TAFA5: variants seen among roughly 807,000 people sequenced by gnomAD.
TAFA5 encodes chemokine-like protein TAFA-5.
TAFA5 carries 6 observed loss-of-function variants against 15.3 expected under a neutral mutation model. The ratio of observed to expected loss-of-function variants is 0.39; its 90% CI spans 0.21 to 0.77. TAFA5 has a LOEUF of 0.77. Among genes scored for constraint, TAFA5 ranks in the 30% least tolerant of loss-of-function variants. TAFA5 has a pLI of 0.41. For synonymous variants in TAFA5, 103 were observed against 80.7 expected, an observed-to-expected ratio of 1.28 and a Z score of -1.48; for missense variants, 161 against 193.1, an observed-to-expected ratio of 0.83 and a Z score of 0.98.
rs916620263 is a variant in TAFA5, at chr22:48,560,357, A to C, written c.112+70653A>C. Among the ~76,000 whole-genome samples the C allele has an allele frequency of 6.6e-6, 1 of 152,044 alleles. No homozygotes were observed. The highest frequency in any genetic ancestry group is 1.5e-5 in the Non-Finnish European group (1 of 68,000). The stretch of plus-strand genomic sequence containing the variant: ...TTCATATGGCCCCAGCAGGCCCCCC[A>C]GCATTTCCATTCTCGGCCTCCAATC... On this transcript the variant is annotated intron_variant, in intron 1 of 3. Transcript: ENST00000402357. The surrounding 1 kb of genome is among the most constrained non-coding windows in gnomAD (Gnocchi z 4.2).
At chr22:48,595,817 C>T (rs1424401435) in intron 1 of TAFA5, among the ~76,000 whole-genome samples, 1 of 152,270 alleles carries the variant, frequency 6.6e-6, no homozygotes, top group African/African-American at 2.4e-5. Flanking sequence ...AGCTGAGTTA[C>T]AAGCTGCATA....
intron 2 of TAFA5, among the ~76,000 whole-genome samples, chr22:48,650,395 AAAC>A (rs1447477801): frequency 6.6e-6 from 1 of 152,180 alleles, no homozygotes; most frequent in African/African-American, 2.4e-5. Flanking sequence ...AGTCAACTCA[AAAC>A]ACCCAATACA....
intron 1 of TAFA5, among the ~76,000 whole-genome samples, chr22:48,555,883 G>T (rs1923020476): frequency 6.6e-6 from 1 of 152,192 alleles, no homozygotes; most frequent in Admixed American, 6.5e-5. Context: ...ACCTGGGAGG[G>T]GCTGGGCCTG....
At chr22:48,745,287 G>A (rs1363467845) in intron 3 of TAFA5, among the ~76,000 whole-genome samples, 3 of 147,550 alleles carry the variant, frequency 2.0e-5, no homozygotes, top group Admixed American at 6.7e-5. Context: ...CTGAGCATTG[G>A]CACACAACAG....
At chr22:48,556,041 CTA>C (rs1923026372) in intron 1 of TAFA5, among the ~76,000 whole-genome samples, 1 of 152,176 alleles carries the variant, frequency 6.6e-6, no homozygotes, top group Non-Finnish European at 1.5e-5. Context: ...ATGGACCAGG[CTA>C]AGACCCTAAA....
chr22:48,732,260 G>GTTCTGT (rs1555903289), intron 3 of TAFA5, among the ~76,000 whole-genome samples: 3 of 150,990 alleles, frequency 2.0e-5, no homozygotes, highest in African/African-American at 4.9e-5. Context: ...TTGTTGTTTT[G>GTTCTGT]TTTTTCTGAG....
intron 2 of TAFA5, among the ~76,000 whole-genome samples, chr22:48,688,075 T>A (rs130110): frequency 6.7e-6 from 1 of 148,962 alleles, no homozygotes; most frequent in South Asian, 2.2e-4. Context: ...AGTTGGGGTT[T>A]TTTATTGTTT....
At chr22:48,580,773 C>G (rs981191817) in intron 1 of TAFA5, among the ~76,000 whole-genome samples, 1 of 152,232 alleles carries the variant, frequency 6.6e-6, no homozygotes, top group Non-Finnish European at 1.5e-5. Context: ...CCGCCAGGCT[C>G]CGAGCTTGGA....
chr22:48,688,107 T>C (rs1199726388), intron 2 of TAFA5, among the ~76,000 whole-genome samples: 1 of 152,070 alleles, frequency 6.6e-6, no homozygotes, highest in Non-Finnish European at 1.5e-5. Flanking sequence ...TTGGGGTTTT[T>C]TTTTCCCTCT....
In TAFA5 at chr22:48,652,826, G is replaced by C. The variant is rs572998765; in HGVS notation, c.262+6080G>C. Among the ~76,000 whole-genome samples the C allele has an allele frequency of 9.1e-4, 6 of 6,582 alleles. No homozygotes were observed. In the South Asian group the frequency reaches 0.034, roughly 38 times the overall value. 4.3% of individuals were successfully genotyped at this position (6,582 alleles called of 152,430 possible). A position where few individuals can be genotyped will look rare whatever the true frequency, so the allele number is the denominator to read the frequency against. On this transcript the variant is annotated intron_variant, in intron 2 of 3. Transcript: ENST00000402357. ...GAGGCACCCTCTCCACTGCTTAGGG[G>C]CATGGACATGTCGGCTTCCTTCTGG... is the stretch of plus-strand genomic sequence containing the variant.
chr22:48,714,523 C>G lies in TAFA5; in HGVS notation c.390+6679C>G, dbSNP rs1416425402. On this transcript the variant is annotated intron_variant, in intron 3 of 3. Coordinates refer to ENST00000402357, the MANE Select transcript of TAFA5 (RefSeq NM_001082967.3). ...CCTGCAGAATCCAAAGAAAACTGGACTCACAGAGGCTCATGCTAGAGAGGG... is the reference window on the plus strand; with the variant it reads ...CCTGCAGAATCCAAAGAAAACTGGAGTCACAGAGGCTCATGCTAGAGAGGG... 4.6e-5 allele frequency among the ~76,000 whole-genome samples: 7 copies of G among 152,302 alleles called. No individual in the cohort carries two copies. In the East Asian group the frequency reaches 9.7e-4, roughly 21 times the overall value.
intron 3 of TAFA5, among the ~76,000 whole-genome samples, chr22:48,728,939 AC>A (rs1310455987): frequency 2.6e-5 from 4 of 152,186 alleles, no homozygotes; most frequent in Non-Finnish European, 4.4e-5. Context: ...TGAAAGCTAC[AC>A]CTGTTGCACC....
At chr22:48,732,850 C>G (rs894669530) in intron 3 of TAFA5, among the ~76,000 whole-genome samples, 5 of 152,232 alleles carry the variant, frequency 3.3e-5, no homozygotes, top group African/African-American at 9.6e-5. Context: ...CCGCCCTGAT[C>G]AGTCAGCAGC....
At chr22:48,659,786 C>T (rs1397948664) in intron 2 of TAFA5, among the ~76,000 whole-genome samples, 1 of 152,178 alleles carries the variant, frequency 6.6e-6, no homozygotes, top group African/African-American at 2.4e-5. Flanking sequence ...GACCAGCAGC[C>T]CCACAGCTGG....
chr22:48,639,794 C>A (rs1926607472), intron 1 of TAFA5, among the ~76,000 whole-genome samples: 2 of 151,996 alleles, frequency 1.3e-5, no homozygotes, highest in Admixed American at 1.3e-4. Context: ...CACCTCTACT[C>A]AGTCCACAGC....
chr22:48,576,005 C>G (rs1203620150), intron 1 of TAFA5, among the ~76,000 whole-genome samples: 1 of 133,554 alleles, frequency 7.5e-6, no homozygotes, highest in Non-Finnish European at 1.6e-5. Flanking sequence ...CGGTGGGGGC[C>G]GACAGGCGGA....
chr22:48,631,242 A>G (rs370351447), intron 1 of TAFA5, among the ~76,000 whole-genome samples: 2 of 152,108 alleles, frequency 1.3e-5, no homozygotes, highest in African/African-American at 4.8e-5. Context: ...GGCCAGGGTG[A>G]AGTGGGCAAC....
chr22:48,516,892 C>T (rs546776682), intron 1 of TAFA5, among the ~76,000 whole-genome samples: 2 of 152,216 alleles, frequency 1.3e-5, no homozygotes, highest in Admixed American at 6.5e-5. Flanking sequence ...CCATCCAGGT[C>T]CTGCTCTCAG....
intron 1 of TAFA5, chr22:48,547,329 G>A (rs1356802112): frequency 6.6e-6 from 1 of 152,240 alleles, no homozygotes; most frequent in Non-Finnish European, 1.5e-5. Context: ...TCATGGAGGG[G>A]AATGTTGCTT....
Sources: allele counts gnomAD v4.1 joint callset (sites outside exome capture counted in the v4.1 genomes callset), GRCh38; gene constraint gnomAD v4.1.1; non-coding constraint Gnocchi (gnomAD v3.1); transcripts MANE v1.5; gene names NCBI Gene and HGNC (gene_info 2026-07-23, HGNC 2026-07-21).